Variants in EFCAB13 observed in about 807,000 individuals in gnomAD.
EFCAB13 encodes EF-hand calcium binding domain 13.
EFCAB13 carries 91 observed loss-of-function variants against 110.2 expected under a neutral mutation model. The observed-to-expected ratio is 0.83, with a 90% CI of 0.70 to 0.98. The LOEUF is 0.98. Ranked by LOEUF, EFCAB13 falls within the 50% of genes least tolerant of loss-of-function variation. The pLI, the probability that EFCAB13 is intolerant of heterozygous loss-of-function variation, is 0.00. For missense variants in EFCAB13, 968 were observed against 1,119.4 expected, an observed-to-expected ratio of 0.86 and a Z score of 1.93; for synonymous variants, 323 against 369.9, an observed-to-expected ratio of 0.87 and a Z score of 1.45.
chr17:47,389,286 T>C (rs2065693059), intron 14 of EFCAB13, among the ~76,000 whole-genome samples: 1 of 152,184 alleles, frequency 6.6e-6, no homozygotes, highest in South Asian at 2.1e-4. Flanking sequence ...AATTCCCCGC[T>C]TGGCCTCTGA....
intron 9 of EFCAB13, among the ~76,000 whole-genome samples, chr17:47,351,321 G>GCGCGCGCGCGCGCA (rs2065451857): frequency 6.7e-6 from 1 of 148,504 alleles, no homozygotes; most frequent in African/African-American, 2.5e-5. Context: ...GCGCGCGCGC[G>GCGCGCGCGCGCGCA]CGCGCGCCAC....
intron 14 of EFCAB13, among the ~76,000 whole-genome samples, chr17:47,385,935 G>T (rs997178282): frequency 6.6e-6 from 1 of 152,168 alleles, no homozygotes; most frequent in African/African-American, 2.4e-5. Flanking sequence ...CAGACCTTAT[G>T]TGCCTGGGTA....
rs1359320233 is a variant in EFCAB13 at position 47,395,906 on chromosome 17, C to T, written c.1874C>T (p.Thr625Ile). ...ETMSVSDLWN[T>I]LSSLNSNLKK... ...ATGAGTGTTTCTGACCTGTGGAATA[C>T]TCTGTCTAGTTTGAATAGTAATTTA... The change falls in exon 17 of 25, where the codon ACT (threonine) becomes ATT (isoleucine). Residue 625 changes from threonine to isoleucine, a missense_variant. Thr to Ile is a moderately conservative substitution (Grantham distance 89). Coordinates refer to ENST00000331493, the MANE Select transcript of EFCAB13 (RefSeq NM_152347.5). 6 of 1,611,154 alleles carry T rather than the reference C, an allele frequency of 3.7e-6. No homozygotes were observed. Among genetic ancestry groups the T allele is most frequent in the African/African-American group, 2.7e-5 (2 of 74,984 alleles).
chr17:47,352,185 A>G (rs2065457513), intron 9 of EFCAB13, among the ~76,000 whole-genome samples: 1 of 150,660 alleles, frequency 6.6e-6, no homozygotes, highest in African/African-American at 2.4e-5. Flanking sequence ...TACAGGCGCG[A>G]GCCACCACGC....
intron 9 of EFCAB13, among the ~76,000 whole-genome samples, chr17:47,351,306 C>T (rs62074454): frequency 0.74 from 94,664 of 127,794 alleles, 32,475 homozygotes; most frequent in Middle Eastern, 0.81. Context: ...TGTGTGTGTG[C>T]GCGCGCGCGC....
At chr17:47,416,817 G>A (rs1003634323) in intron 23 of EFCAB13, among the ~76,000 whole-genome samples, 1 of 152,090 alleles carries the variant, frequency 6.6e-6, no homozygotes, top group African/African-American at 2.4e-5. Flanking sequence ...AACAATGTGG[G>A]GGTTAGGGGC....
intron 23 of EFCAB13, among the ~76,000 whole-genome samples, chr17:47,416,991 C>A (rs920710087): frequency 6.6e-6 from 1 of 152,096 alleles, no homozygotes; most frequent in African/African-American, 2.4e-5. Flanking sequence ...TTTCAGACTC[C>A]CCCGAAACTT....
At chr17:47,343,883 C>G (rs2065399837) in intron 6 of EFCAB13, among the ~76,000 whole-genome samples, 1 of 152,088 alleles carries the variant, frequency 6.6e-6, no homozygotes, top group Non-Finnish European at 1.5e-5. Context: ...GTTTTCCCTG[C>G]TTTGTAAAAC....
Position 47,347,844 on chromosome 17 carries a change from G to T in EFCAB13, c.554G>T (p.Arg185Leu). 4 of 1,529,916 alleles carry T rather than the reference G, an allele frequency of 2.6e-6. No individual in the cohort carries two copies. The highest frequency in any genetic ancestry group is 1.3e-5 in the South Asian group (1 of 75,058). 94.8% of individuals were successfully genotyped at this position (1,529,916 alleles called of 1,614,324 possible). A position where few individuals can be genotyped will look rare whatever the true frequency, so the allele number is the denominator to read the frequency against. Residue 185 changes from arginine to leucine, a missense_variant, in exon 9 of 25, where the codon CGA (arginine) becomes CTA (leucine). Transcript: ENST00000331493. ...GCCTGTAAAATTTTTAGTAAAATTC[G>T]AAGTGGTAAGATTTATGTGAATGAT... ...HKACKIFSKI[R>L]SGKIYVNDLP...
intron 17 of EFCAB13, among the ~76,000 whole-genome samples, chr17:47,397,980 C>CT (rs2065753257): frequency 6.7e-6 from 1 of 148,486 alleles, no homozygotes. Flanking sequence ...GGGTCAGCCC[C>CT]CCGCCCGGCC....
chr17:47,363,723 C>A (rs1447503374), intron 10 of EFCAB13, among the ~76,000 whole-genome samples: 1 of 152,074 alleles, frequency 6.6e-6, no homozygotes. Flanking sequence ...GTAAATATGG[C>A]AGAAAAATAA....
intron 10 of EFCAB13, among the ~76,000 whole-genome samples, chr17:47,366,274 T>A (rs936914771): frequency 6.6e-6 from 1 of 151,782 alleles, no homozygotes; most frequent in African/African-American, 2.4e-5. Context: ...TCTTAGAGGG[T>A]CAGGTATTTT....
At chr17:47,361,044 A>G (rs537532475) in intron 9 of EFCAB13, among the ~76,000 whole-genome samples, 3 of 152,326 alleles carry the variant, frequency 2.0e-5, no homozygotes, top group African/African-American at 7.2e-5. Flanking sequence ...ATAGACTCTG[A>G]CATTCAAAAG....
intron 6 of EFCAB13, among the ~76,000 whole-genome samples, chr17:47,342,922 T>A (rs1168571833): frequency 3.3e-5 from 5 of 152,196 alleles, no homozygotes; most frequent in African/African-American, 1.2e-4. Flanking sequence ...CCTCTGAGAT[T>A]TTAATTTCAG....
At chr17:47,388,088 T>C (rs1292128700) in intron 14 of EFCAB13, among the ~76,000 whole-genome samples, 1 of 152,216 alleles carries the variant, frequency 6.6e-6, no homozygotes, top group Non-Finnish European at 1.5e-5. Flanking sequence ...TTGGCTGAGA[T>C]AAAGAGCAGA....
At chr17:47,392,793 G>C (rs554709254) in intron 15 of EFCAB13, among the ~76,000 whole-genome samples, 2 of 152,116 alleles carry the variant, frequency 1.3e-5, no homozygotes, top group Non-Finnish European at 2.9e-5. Flanking sequence ...ATTTTCTGAC[G>C]TAGGATTTTT....
intron 22 of EFCAB13, among the ~76,000 whole-genome samples, chr17:47,413,614 T>G (rs895736349): frequency 1.3e-5 from 2 of 152,168 alleles, no homozygotes; most frequent in Non-Finnish European, 2.9e-5. Flanking sequence ...CAGATTGTTA[T>G]TCACCTAGAT....
At chr17:47,429,019 T>G (rs1318777037) in intron 23 of EFCAB13, among the ~76,000 whole-genome samples, 1 of 152,138 alleles carries the variant, frequency 6.6e-6, no homozygotes, top group Admixed American at 6.6e-5. Context: ...GAAGATAGTA[T>G]TATTGTTGGA....
rs1052836329 is a variant in EFCAB13 at position 47,348,652 on chromosome 17, G to A, written c.661+701G>A. 4.6e-5 allele frequency among the ~76,000 whole-genome samples: 7 copies of A among 151,676 alleles called. No individual in the cohort carries two copies. The South Asian group carries it at 8.3e-4, about 18-fold the overall frequency. On this transcript the variant is annotated intron_variant, in intron 9 of 24. Transcript: ENST00000331493. ...ATTATGGTTGTTCTAATAGATATAC[G>A]GTTATTATCTGATTGTGGTTTTAAT... is the stretch of plus-strand genomic sequence containing the variant.
Sources: gnomAD v4.1 joint callset for allele counts (sites outside exome capture counted in the v4.1 genomes callset) on GRCh38, gnomAD v4.1.1 for gene constraint, MANE v1.5 for transcripts, NCBI Gene and HGNC (gene_info 2026-07-23, HGNC 2026-07-21) for gene names.